Variants in ETFDH observed in about 807,000 individuals in gnomAD.
The protein encoded by ETFDH is electron transfer flavoprotein dehydrogenase, also known as electron transfer flavoprotein-ubiquinone oxidoreductase, mitochondrial.
A neutral mutation model predicts 73.2 loss-of-function variants in ETFDH; 61 were observed. The observed-to-expected ratio is 0.83, with a 90% CI of 0.68 to 1.03. The LOEUF is 1.03. ETFDH is among the 50% of genes least tolerant of loss of function. The pLI is 0.00. For missense variants in ETFDH, 685 were observed against 745.0 expected (o/e 0.92, Z 0.94); for synonymous variants, 243 against 253.3 (o/e 0.96, Z 0.39).
intron 1 of ETFDH, among the ~76,000 whole-genome samples, chr4:158,677,244 T>C (rs1262427089): frequency 6.6e-6 from 1 of 152,228 alleles, no homozygotes; most frequent in Non-Finnish European, 1.5e-5. Context: ...CCTGAGAACA[T>C]GTATCCAAGG....
Position 158,680,084 on chromosome 4 carries a change from CAAA to C in ETFDH, c.35-368_35-366del, listed in dbSNP as rs70962622. 6.0e-4 allele frequency: 38 copies of C among 63,130 alleles called. 1 individual carries two copies. The highest frequency in any genetic ancestry group is 0.02 in the Middle Eastern group (1 of 50). 3.9% of individuals were successfully genotyped at this position (63,130 alleles called of 1,614,324 possible). Reference sequence around the variant, plus strand: ...TGGGTGACAGAGTGAGACTCTGTCTCAAAAAAAAAAAAAAAAAGAAGAAGAAAA... The same window carrying C: ...TGGGTGACAGAGTGAGACTCTGTCTCAAAAAAAAAAAAAAGAAGAAGAAAA... On this transcript the variant is annotated intron_variant, in intron 1 of 12. Coordinates refer to ENST00000511912, the MANE Select transcript of ETFDH (RefSeq NM_004453.4).
At chr4:158,688,890 T>C (rs1344791952) in intron 5 of ETFDH, among the ~76,000 whole-genome samples, 1 of 152,108 alleles carries the variant, frequency 6.6e-6, no homozygotes, top group Non-Finnish European at 1.5e-5. Context: ...AAATATCTCG[T>C]TTTTTTGTTG....
chr4:158,692,421 A>AG (rs1205809141), intron 6 of ETFDH, among the ~76,000 whole-genome samples: 1 of 146,864 alleles, frequency 6.8e-6, no homozygotes, highest in African/African-American at 2.5e-5. Flanking sequence ...AAAAAAAAAA[A>AG]AAAGCAAATG....
chr4:158,704,101 C>G (rs556545683), intron 10 of ETFDH, among the ~76,000 whole-genome samples: 1 of 152,074 alleles, frequency 6.6e-6, no homozygotes, highest in African/African-American at 2.4e-5. Flanking sequence ...CTCCATCCCC[C>G]ACACACAAAA....
chr4:158,682,134 T>G, intron 2 of ETFDH, 61 bp from the exon 3 acceptor site: 2 of 1,608,734 alleles, frequency 1.2e-6, no homozygotes, highest in Non-Finnish European at 1.7e-6. Flanking sequence ...TTTTTAACTG[T>G]CATGTGATTT....
chr4:158,675,041 A>G (rs1773678185), intron 1 of ETFDH, among the ~76,000 whole-genome samples: 1 of 152,188 alleles, frequency 6.6e-6, no homozygotes, highest in Non-Finnish European at 1.5e-5. Context: ...TTTTTATAAC[A>G]GCTTTAATAA....
chr4:158,696,066 C>T (rs994256393), intron 7 of ETFDH, among the ~76,000 whole-genome samples: 1 of 152,066 alleles, frequency 6.6e-6, no homozygotes, highest in African/African-American at 2.4e-5. Flanking sequence ...CACACTCAGC[C>T]ATAGTATATT....
intron 1 of ETFDH, among the ~76,000 whole-genome samples, chr4:158,673,996 T>G (rs1350851269): frequency 6.7e-6 from 1 of 148,982 alleles, no homozygotes; most frequent in African/African-American, 2.4e-5. Flanking sequence ...AGGTTGTGAC[T>G]TTTTTTTCCA....
chr4:158,699,553 G>A (rs560689974), intron 9 of ETFDH, among the ~76,000 whole-genome samples: 2 of 152,260 alleles, frequency 1.3e-5, no homozygotes, highest in East Asian at 1.9e-4. Context: ...CTGAGCAGCA[G>A]AATAAGACTC....
chr4:158,691,575 G>A (rs1426810720), intron 6 of ETFDH, among the ~76,000 whole-genome samples: 2 of 151,718 alleles, frequency 1.3e-5, no homozygotes, highest in African/African-American at 4.8e-5. Context: ...CACCCACCTC[G>A]GCCTCCCAAA....
chr4:158,687,437 A>T lies in ETFDH; in HGVS notation c.606+2218A>T, dbSNP rs73858519. Among the ~76,000 whole-genome samples, 517 of 152,280 alleles carry T rather than the reference A, an allele frequency of 3.4e-3. 1 individual carries two copies. Among genetic ancestry groups the T allele is most frequent in the African/African-American group, 0.012 (490 of 41,556 alleles). ...CTCAACATCAGCATGCCAGGGACAT[A>T]CTTTTTAGGGTATTATCTTAAGAGC... is the stretch of plus-strand genomic sequence containing the variant. On this transcript the variant is annotated intron_variant, in intron 5 of 12. Coordinates refer to ENST00000511912, the MANE Select transcript of ETFDH (RefSeq NM_004453.4).
intron 5 of ETFDH, among the ~76,000 whole-genome samples, chr4:158,685,799 T>G (rs537565812): frequency 6.6e-6 from 1 of 152,290 alleles, no homozygotes; most frequent in East Asian, 1.9e-4. Context: ...TTATCTACCT[T>G]TCAGCAGAAG....
Position 158,697,483 on chromosome 4 carries a change from G to A in ETFDH, c.832-76G>A, listed in dbSNP as rs564344163. On this transcript the variant is annotated intron_variant, in intron 7 of 12. Coordinates refer to ENST00000511912, the MANE Select transcript of ETFDH (RefSeq NM_004453.4). Reference sequence around the variant, plus strand: ...ATAAATAAGACATTAAACCTGGCAAGTTTTATGCATTGTGGTGACATAAAA... The same window carrying A: ...ATAAATAAGACATTAAACCTGGCAAATTTTATGCATTGTGGTGACATAAAA... 2.4e-6 allele frequency: 3 copies of A among 1,265,302 alleles called. No individual in the cohort carries two copies. In the African/African-American group the frequency reaches 4.5e-5, roughly 19 times the overall value. The allele number at this position is 1,265,302 out of a possible 1,614,324, so 78.4% of individuals were successfully genotyped here.
At chr4:158,691,517 G>T (rs1039573901) in intron 6 of ETFDH, among the ~76,000 whole-genome samples, 3 of 152,036 alleles carry the variant, frequency 2.0e-5, no homozygotes, top group African/African-American at 7.3e-5. Flanking sequence ...TAGAGATGGG[G>T]TTTTGCCATG....
chr4:158,702,168 A>T lies in ETFDH; in HGVS notation c.1117-1255A>T, dbSNP rs532876720. On this transcript the variant is annotated intron_variant, in intron 9 of 12. Transcript: ENST00000511912. ...AGCAAATCACAGGTTTTTTTTTTTTATATGCCCTTTGAAATTTTCAGGTCC... is the reference window on the plus strand; with the variant it reads ...AGCAAATCACAGGTTTTTTTTTTTTTTATGCCCTTTGAAATTTTCAGGTCC... Among the ~76,000 whole-genome samples the T allele has an allele frequency of 2.4e-3, 359 of 147,914 alleles. 3 individuals are homozygous for T. Among genetic ancestry groups the T allele is most frequent in the African/African-American group, 8.3e-3 (336 of 40,480 alleles).
At chr4:158,678,014 AC>A (rs1773754434) in intron 1 of ETFDH, among the ~76,000 whole-genome samples, 1 of 152,180 alleles carries the variant, frequency 6.6e-6, no homozygotes. Context: ...AATCTTTTTA[AC>A]TTTTTATCTT....
In ETFDH at chr4:158,706,612, C is replaced by T. The variant is rs1561251627; in HGVS notation, c.1469-17C>T. On this transcript the variant is annotated splice_polypyrimidine_tract_variant and intron_variant, in intron 11 of 12. Transcript: ENST00000511912. ...AAAATCATATTTTGTTAAGCATTTC[C>T]CTCAAAATTGTTGAAGGTTCTGACT... The T allele has an allele frequency of 6.3e-7, 1 of 1,593,232 alleles. No homozygotes were observed. Among genetic ancestry groups the T allele is most frequent in the Admixed American group, 1.7e-5 (1 of 59,970 alleles).
At chr4:158,688,181 C>T (rs1774056292) in intron 5 of ETFDH, among the ~76,000 whole-genome samples, 1 of 152,074 alleles carries the variant, frequency 6.6e-6, no homozygotes, top group African/African-American at 2.4e-5. Context: ...ATCACGAGGT[C>T]AAGAGATCGA....
At chr4:158,688,289 G>A (rs1774061575) in intron 5 of ETFDH, among the ~76,000 whole-genome samples, 1 of 151,348 alleles carries the variant, frequency 6.6e-6, no homozygotes, top group Non-Finnish European at 1.5e-5. Flanking sequence ...CTACTCAGGA[G>A]GCTGAGGCAG....
Sources: gnomAD v4.1 joint callset for allele counts (sites outside exome capture counted in the v4.1 genomes callset) on GRCh38, gnomAD v4.1.1 for gene constraint, MANE v1.5 for transcripts, NCBI Gene and HGNC (gene_info 2026-07-23, HGNC 2026-07-21) for gene names.